Variants in CTNND2 observed in about 807,000 individuals in gnomAD.
CTNND2 encodes catenin delta-2.
CTNND2 carries 22 observed loss-of-function variants against 144.4 expected under a neutral mutation model. The ratio of observed to expected loss-of-function variants is 0.15; its 90% CI spans 0.11 to 0.22. CTNND2 has a LOEUF of 0.22. Among genes scored for constraint, CTNND2 ranks in the 10% least tolerant of loss-of-function variants. CTNND2 has a pLI of 1.00. For missense variants in CTNND2, 1,353 were observed against 1,618.8 expected (o/e 0.84, Z 2.82); for synonymous variants, 751 against 695.6 (o/e 1.08, Z -1.25).
chr5:11,873,812 G>A (rs529107697), intron 1 of CTNND2, among the ~76,000 whole-genome samples: 2 of 152,174 alleles, frequency 1.3e-5, no homozygotes, highest in Non-Finnish European at 2.9e-5. Flanking sequence ...GAAATGTGCA[G>A]CTTCACAGTA....
chr5:11,007,743 T>G (rs1740638198), intron 18 of CTNND2, among the ~76,000 whole-genome samples: 1 of 152,208 alleles, frequency 6.6e-6, no homozygotes, highest in African/African-American at 2.4e-5. Context: ...CTGTGGGATC[T>G]CCCAAGAATG....
chr5:11,291,308 T>G (rs1277020443), intron 9 of CTNND2, among the ~76,000 whole-genome samples: 1 of 152,194 alleles, frequency 6.6e-6, no homozygotes, highest in Non-Finnish European at 1.5e-5. Flanking sequence ...GCTAGAAAAC[T>G]TGAAGTAAAT....
At chr5:11,591,061 C>G (rs935726493) in intron 2 of CTNND2, among the ~76,000 whole-genome samples, 1 of 152,138 alleles carries the variant, frequency 6.6e-6, no homozygotes, top group Non-Finnish European at 1.5e-5. Flanking sequence ...CCTGTCTTTC[C>G]TGTTAATGCA....
In CTNND2 at chr5:11,276,490, G is replaced by T. The variant is rs138579214; in HGVS notation, c.1629-39667C>A. 4.6e-3 allele frequency among the ~76,000 whole-genome samples: 694 copies of T among 152,118 alleles called. 1 individual carries two copies. Among genetic ancestry groups the T allele is most frequent in the Admixed American group, 0.011 (161 of 15,258 alleles). On this transcript the variant is annotated intron_variant, in intron 9 of 21. Transcript: ENST00000304623. ...TGATTTCTAAGTGATGGCAGCCCTG[G>T]GGCTCATCCTGGTCCTCTTCTCTTC...
intron 1 of CTNND2, among the ~76,000 whole-genome samples, chr5:11,781,110 A>C (rs998512418): frequency 2.0e-5 from 3 of 152,176 alleles, no homozygotes; most frequent in African/African-American, 7.2e-5. Context: ...GGAAGAGAAG[A>C]ACTATCATTA....
Position 11,145,545 on chromosome 5 carries a change from T to C in CTNND2, c.2159+14031A>G, listed in dbSNP as rs994230428. ...CAAAGACAGTGGCAACTAACTGAGG[T>C]TCCTAGAGCAACACCTAGGACAGAG... On this transcript the variant is annotated intron_variant, in intron 12 of 21. Transcript: ENST00000304623. Among the ~76,000 whole-genome samples, 9 of 152,062 alleles carry C rather than the reference T, an allele frequency of 5.9e-5. 1 individual carries two copies. The highest frequency in any genetic ancestry group is 1.0e-4 in the Non-Finnish European group (7 of 68,016).
At position 11,863,562 on chromosome 5, in the gene CTNND2, G is replaced by T. The variant is rs150703431; in HGVS notation, c.37+40255C>A. Among the ~76,000 whole-genome samples, 22 of 152,296 alleles carry T rather than the reference G, an allele frequency of 1.4e-4. No homozygotes were observed. In the East Asian group the frequency reaches 2.5e-3, roughly 17 times the overall value. ...ATGTGTTACATGGGCAAACCAGGAA[G>T]TGAAAGAACCTCCTTTTTAATGCTG... On this transcript the variant is annotated intron_variant, in intron 1 of 21. Transcript: ENST00000304623.
chr5:11,201,064 C>A lies in CTNND2; in HGVS notation c.1762-1403G>T, dbSNP rs186664530. 2.6e-5 allele frequency among the ~76,000 whole-genome samples: 4 copies of A among 152,316 alleles called. No individual in the cohort carries two copies. The South Asian group carries it at 6.2e-4, about 24-fold the overall frequency. The stretch of plus-strand genomic sequence containing the variant: ...GTTTAAAACTGCACTTAGAACCACA[C>A]CCTCACCCCAAGCCAGCATTCTTGT... On this transcript the variant is annotated intron_variant, in intron 10 of 21. Coordinates refer to ENST00000304623, the MANE Select transcript of CTNND2 (RefSeq NM_001332.4).
intron 9 of CTNND2, among the ~76,000 whole-genome samples, chr5:11,312,143 C>T (rs1751025401): frequency 7.3e-6 from 1 of 137,690 alleles, no homozygotes; most frequent in Non-Finnish European, 1.6e-5. Flanking sequence ...TCCTCTCCCC[C>T]ACCACACACA....
At chr5:11,288,823 A>G (rs1211937105) in intron 9 of CTNND2, among the ~76,000 whole-genome samples, 2 of 149,378 alleles carry the variant, frequency 1.3e-5, no homozygotes, top group African/African-American at 2.5e-5. Flanking sequence ...AGAAAACCAA[A>G]AAAGAAAAAA....
intron 2 of CTNND2, among the ~76,000 whole-genome samples, chr5:11,674,878 AC>A (rs1374139803): frequency 6.6e-6 from 1 of 152,088 alleles, no homozygotes; most frequent in Non-Finnish European, 1.5e-5. Context: ...GGCACATGCC[AC>A]CATGCCTGGC....
intron 2 of CTNND2, among the ~76,000 whole-genome samples, chr5:11,587,431 T>C (rs1778947536): frequency 6.6e-6 from 1 of 152,078 alleles, no homozygotes; most frequent in Admixed American, 6.5e-5. Context: ...ATTATTCTGA[T>C]ATTCTGATAT....
intron 2 of CTNND2, among the ~76,000 whole-genome samples, chr5:11,589,800 C>G (rs1057098686): frequency 6.6e-6 from 1 of 152,104 alleles, no homozygotes; most frequent in Non-Finnish European, 1.5e-5. Context: ...TATAATTAGA[C>G]GACCTGGGAC....
At chr5:10,996,526 G>A (rs1739368468) in intron 18 of CTNND2, among the ~76,000 whole-genome samples, 1 of 152,138 alleles carries the variant, frequency 6.6e-6, no homozygotes. Context: ...GGCTCGGGGG[G>A]CTGTGTCCTC....
chr5:11,180,418 A>G (rs1760887247), intron 11 of CTNND2, among the ~76,000 whole-genome samples: 1 of 152,182 alleles, frequency 6.6e-6, no homozygotes, highest in African/African-American at 2.4e-5. Context: ...CTTAAATGTA[A>G]TATGTTATTT....
At chr5:11,152,629 G>A (rs1316780399) in intron 12 of CTNND2, among the ~76,000 whole-genome samples, 1 of 152,162 alleles carries the variant, frequency 6.6e-6, no homozygotes, top group Non-Finnish European at 1.5e-5. Flanking sequence ...AAATGTTGGG[G>A]TTGCACCACA....
At chr5:11,823,182 A>G (rs1482107385) in intron 1 of CTNND2, among the ~76,000 whole-genome samples, 1 of 152,234 alleles carries the variant, frequency 6.6e-6, no homozygotes, top group Non-Finnish European at 1.5e-5. Context: ...CACTCAATAA[A>G]TGAGGATTAA....
At chr5:11,089,950 A>G (rs1004785235) in intron 15 of CTNND2, among the ~76,000 whole-genome samples, 1 of 152,192 alleles carries the variant, frequency 6.6e-6, no homozygotes, top group Admixed American at 6.5e-5. Flanking sequence ...CAGAGGTTGC[A>G]GTGAGCCAAG....
chr5:11,685,632 A>G (rs188957066), intron 2 of CTNND2, among the ~76,000 whole-genome samples: 1 of 152,352 alleles, frequency 6.6e-6, no homozygotes, highest in East Asian at 1.9e-4. Context: ...AAGACTTTGC[A>G]TATATCCACT....
Sources: allele counts gnomAD v4.1 joint callset (sites outside exome capture counted in the v4.1 genomes callset), GRCh38; gene constraint gnomAD v4.1.1; transcripts MANE v1.5; gene names NCBI Gene and HGNC (gene_info 2026-07-23, HGNC 2026-07-21).